The following SYT1 variants were observed in gnomAD, a reference collection of about 807,000 sequenced individuals.
SYT1 encodes synaptotagmin-1.
A neutral mutation model predicts 44.8 loss-of-function variants in SYT1; 8 were observed. That is an observed-to-expected ratio of 0.18 (90% CI 0.10 to 0.32). SYT1 has a LOEUF of 0.32. Ranked by LOEUF, SYT1 falls within the 10% of genes least tolerant of loss-of-function variation. The pLI is 1.00. For missense variants in SYT1, 286 were observed against 509.3 expected (o/e 0.56, Z 4.22); for synonymous variants, 154 against 188.8 (o/e 0.82, Z 1.51).
intron 4 of SYT1, among the ~76,000 whole-genome samples, chr12:79,223,421 G>A (rs892494182): frequency 2.6e-5 from 4 of 152,104 alleles, no homozygotes; most frequent in Non-Finnish European, 5.9e-5. Flanking sequence ...ACACTAAGGT[G>A]CTCTAACAGC....
At chr12:79,407,363 G>T (rs1885279640) in intron 9 of SYT1, among the ~76,000 whole-genome samples, 1 of 152,086 alleles carries the variant, frequency 6.6e-6, no homozygotes, top group Non-Finnish European at 1.5e-5. Flanking sequence ...TACAAGTATG[G>T]TAAAGGTCTT....
intron 9 of SYT1, among the ~76,000 whole-genome samples, chr12:79,363,887 C>T (rs1442589041): frequency 6.6e-6 from 1 of 152,150 alleles, no homozygotes; most frequent in Non-Finnish European, 1.5e-5. Flanking sequence ...ACTTGCTGCA[C>T]CATGAGCTAC....
At chr12:79,347,949 G>C (rs1882681382) in intron 8 of SYT1, among the ~76,000 whole-genome samples, 1 of 152,042 alleles carries the variant, frequency 6.6e-6, no homozygotes, top group Admixed American at 6.6e-5. Flanking sequence ...ATAAACTAAT[G>C]AAACAATTCA....
chr12:79,355,850 A>G (rs1883091125), intron 9 of SYT1, among the ~76,000 whole-genome samples: 4 of 152,144 alleles, frequency 2.6e-5, no homozygotes, highest in Non-Finnish European at 5.9e-5. Flanking sequence ...TGTTCTGAGC[A>G]CTAGGTTTAC....
At chr12:79,376,824 G>A (rs925247046) in intron 9 of SYT1, among the ~76,000 whole-genome samples, 3 of 152,218 alleles carry the variant, frequency 2.0e-5, no homozygotes, top group South Asian at 2.1e-4. Flanking sequence ...ATTTACAAAC[G>A]TCTGCATGCC....
rs142751617 is a variant in SYT1, at chr12:79,179,498, T to C, written c.-17-38005T>C. On this transcript the variant is annotated intron_variant, in intron 3 of 10. Transcript: ENST00000261205. ...ATATAGAGATATAGATATATCTATA[T>C]AGATATAGATATAGATATATCTATA... 3.1e-4 allele frequency among the ~76,000 whole-genome samples: 35 copies of C among 111,534 alleles called. No individual in the cohort carries two copies. The East Asian group carries it at 8.0e-3, about 25-fold the overall frequency. The allele number at this position is 111,534 out of a possible 152,430, so 73.2% of individuals were successfully genotyped here. A position where few individuals can be genotyped will look rare whatever the true frequency, so the allele number is the denominator to read the frequency against.
intron 9 of SYT1, among the ~76,000 whole-genome samples, chr12:79,360,050 G>A (rs1200304883): frequency 1.3e-5 from 2 of 152,230 alleles, no homozygotes; most frequent in East Asian, 3.9e-4. Flanking sequence ...CCTGGAAATT[G>A]CCTTTTAAAC....
chr12:79,390,019 G>A (rs1884591966), intron 9 of SYT1, among the ~76,000 whole-genome samples: 1 of 150,900 alleles, frequency 6.6e-6, no homozygotes, highest in East Asian at 2.0e-4. Flanking sequence ...TGCAATTTCT[G>A]CCTCCTGGGT....
intron 3 of SYT1, among the ~76,000 whole-genome samples, chr12:79,189,062 C>T (rs1872962200): frequency 6.6e-6 from 1 of 152,032 alleles, no homozygotes; most frequent in Admixed American, 6.6e-5. Flanking sequence ...ATTTTTAGCA[C>T]AGCTAATGGA....
At chr12:79,158,097 C>T (rs575917764) in intron 3 of SYT1, among the ~76,000 whole-genome samples, 41 of 152,174 alleles carry the variant, frequency 2.7e-4, no homozygotes, top group African/African-American at 8.9e-4. Flanking sequence ...ATTTATCATG[C>T]ACTTTATTTC....
At chr12:79,041,394 T>C (rs958260237) in intron 2 of SYT1, among the ~76,000 whole-genome samples, 6 of 152,092 alleles carry the variant, frequency 3.9e-5, no homozygotes, top group Non-Finnish European at 8.8e-5. Context: ...CAATTGTGAA[T>C]GGGATTTCAC....
intron 1 of SYT1, among the ~76,000 whole-genome samples, chr12:78,969,577 A>T (rs1454843052): frequency 6.6e-6 from 1 of 152,196 alleles, no homozygotes; most frequent in African/African-American, 2.4e-5. Flanking sequence ...CAGGATAGGA[A>T]TAAGTCAACT....
intron 9 of SYT1, among the ~76,000 whole-genome samples, chr12:79,354,202 G>A (rs746129351): frequency 2.0e-5 from 3 of 152,284 alleles, no homozygotes; most frequent in African/African-American, 4.8e-5. Context: ...TTAGTAAAAC[G>A]TGGTGGATAA....
At chr12:79,026,253 T>C (rs1249443653) in intron 2 of SYT1, among the ~76,000 whole-genome samples, 1 of 151,622 alleles carries the variant, frequency 6.6e-6, no homozygotes, top group Non-Finnish European at 1.5e-5. Context: ...AGAAATTATA[T>C]CTGTTCCATA....
chr12:78,868,369 A>G (rs1592506757), intron 1 of SYT1, among the ~76,000 whole-genome samples: 1 of 151,906 alleles, frequency 6.6e-6, no homozygotes, highest in Non-Finnish European at 1.5e-5. Context: ...TAATATTTTT[A>G]AAAAGTAAAT....
At chr12:79,074,138 T>C (rs1429705584) in intron 3 of SYT1, among the ~76,000 whole-genome samples, 1 of 152,222 alleles carries the variant, frequency 6.6e-6, no homozygotes, top group Non-Finnish European at 1.5e-5. Flanking sequence ...AATCAGATCC[T>C]GTGGATTTAC....
chr12:79,215,918 C>CTTTTTTTTTTTTTTTT (rs71091653), intron 3 of SYT1, among the ~76,000 whole-genome samples: 2 of 76,726 alleles, frequency 2.6e-5, no homozygotes, highest in Non-Finnish European at 4.6e-5. Flanking sequence ...GCATTTCTTT[C>CTTTTTTTTTTTTTTTT]TTTTTTTTTT....
At chr12:79,243,878 AAGGAAGGAAGGC>A (rs1315392070) in intron 4 of SYT1, among the ~76,000 whole-genome samples, 6 of 151,748 alleles carry the variant, frequency 4.0e-5, no homozygotes. Flanking sequence ...GGAAGGAGGG[AAGGAAGGAAGGC>A]AGGAAGGAAG....
chr12:79,360,697 TTCA>T (rs772603608), intron 9 of SYT1, among the ~76,000 whole-genome samples: 16 of 152,344 alleles, frequency 1.1e-4, no homozygotes, highest in East Asian at 7.7e-4. Context: ...TGTCAGAAGC[TTCA>T]TCATAATTTT....
Sources: gnomAD v4.1 joint callset for allele counts (sites outside exome capture counted in the v4.1 genomes callset) on GRCh38, gnomAD v4.1.1 for gene constraint, MANE v1.5 for transcripts, NCBI Gene and HGNC (gene_info 2026-07-23, HGNC 2026-07-21) for gene names.